TENM2: variants seen among roughly 807,000 people sequenced by gnomAD.
TENM2 encodes the protein teneurin transmembrane protein 2, also known as teneurin-2.
Under a neutral mutation model 245.2 loss-of-function variants are expected in TENM2, and 52 were observed. The observed-to-expected ratio is 0.21, with a 90% confidence interval of 0.17 to 0.27. The LOEUF is 0.27. TENM2 is among the 10% of genes least tolerant of loss of function. The probability of loss-of-function intolerance (pLI) is 1.00; values close to 1 mark genes in which losing one functional copy is unlikely to be tolerated. For missense variants in TENM2, 3,046 were observed against 3,666.8 expected (o/e 0.83, Z 4.37); for synonymous variants, 1,363 against 1,438.9 (o/e 0.95, Z 1.19).
At chr5:168,037,313 TTTGCTCAACATCC>T (rs142273520) in intron 5 of TENM2, among the ~76,000 whole-genome samples, 5,140 of 152,188 alleles carry the variant, frequency 0.034, 297 homozygotes, top group African/African-American at 0.12. Context: ...ACATACAGGA[TTTGCTCAACATCC>T]TTACTTCTTC....
intron 2 of TENM2, among the ~76,000 whole-genome samples, chr5:167,448,437 A>G (rs1765363527): frequency 6.6e-6 from 1 of 151,486 alleles, no homozygotes; most frequent in Non-Finnish European, 1.5e-5. Context: ...TAATGGGAGA[A>G]CATAGCTTTT....
intron 2 of TENM2, among the ~76,000 whole-genome samples, chr5:167,848,345 G>T (rs1444548519): frequency 2.6e-5 from 4 of 152,180 alleles, no homozygotes; most frequent in Non-Finnish European, 4.4e-5. Flanking sequence ...AGAGGGCATG[G>T]TGGGGTTTGT....
intron 3 of TENM2, among the ~76,000 whole-genome samples, chr5:167,951,862 A>C (rs1212869226): frequency 1.3e-5 from 2 of 152,256 alleles, no homozygotes; most frequent in Non-Finnish European, 2.9e-5. Flanking sequence ...ATACACACAT[A>C]CATACGCAAA....
At chr5:166,979,469 G>T in the TENM2 span, among the ~76,000 whole-genome samples, 2 of 152,268 alleles carry the variant, frequency 1.3e-5, no homozygotes, top group South Asian at 4.2e-4. Context: ...AAGACTCTAG[G>T]CTAAGTTATC....
chr5:167,245,866 T>G, the TENM2 span, among the ~76,000 whole-genome samples: 1 of 152,188 alleles, frequency 6.6e-6, no homozygotes, highest in Non-Finnish European at 1.5e-5. Context: ...CAGAGCCAGA[T>G]ACTGGAGATC....
intron 2 of TENM2, among the ~76,000 whole-genome samples, chr5:167,765,684 T>C (rs1016977369): frequency 2.0e-5 from 3 of 152,204 alleles, no homozygotes; most frequent in African/African-American, 7.2e-5. Flanking sequence ...TTGGTAATAT[T>C]CGTGTTAATG....
At chr5:167,342,141 T>G (rs115710683) in intron 1 of TENM2, among the ~76,000 whole-genome samples, 2,091 of 152,280 alleles carry the variant, frequency 0.014, 65 homozygotes, top group African/African-American at 0.047. Context: ...GCTCATACTT[T>G]ATACAGATTT....
intron 5 of TENM2, among the ~76,000 whole-genome samples, chr5:168,029,479 A>T (rs1185453252): frequency 2.6e-5 from 4 of 152,130 alleles, no homozygotes; most frequent in Non-Finnish European, 5.9e-5. Flanking sequence ...AATTCACCCT[A>T]GGAATGCTTA....
At chr5:167,752,135 C>T (rs1440835273) in intron 2 of TENM2, among the ~76,000 whole-genome samples, 1 of 151,988 alleles carries the variant, frequency 6.6e-6, no homozygotes, top group Non-Finnish European at 1.5e-5. Flanking sequence ...CACTCTGTCA[C>T]CCAGGCTGGA....
intron 5 of TENM2, among the ~76,000 whole-genome samples, chr5:168,035,533 G>A (rs1229758701): frequency 6.6e-6 from 1 of 151,084 alleles, no homozygotes; most frequent in Non-Finnish European, 1.5e-5. Flanking sequence ...AGTGGCTTGT[G>A]TTTTATTTCT....
chr5:167,278,898 A>G, the TENM2 span, among the ~76,000 whole-genome samples: 1 of 152,218 alleles, frequency 6.6e-6, no homozygotes, highest in South Asian at 2.1e-4. Context: ...GTATTCCAAG[A>G]TTCCTCCTTT....
chr5:167,218,850 T>A, the TENM2 span, among the ~76,000 whole-genome samples: 4 of 152,206 alleles, frequency 2.6e-5, no homozygotes, highest in Non-Finnish European at 5.9e-5. Flanking sequence ...TCTTCAATAC[T>A]CATTGTGGTC....
intron 1 of TENM2, among the ~76,000 whole-genome samples, chr5:167,349,427 G>T (rs1758679557): frequency 6.6e-6 from 1 of 152,164 alleles, no homozygotes; most frequent in South Asian, 2.1e-4. Flanking sequence ...TGACTCCAAA[G>T]CCTCTTTGCA....
intron 27 of TENM2, among the ~76,000 whole-genome samples, chr5:168,253,632 A>G (rs1015293946): frequency 7.2e-5 from 11 of 151,792 alleles, no homozygotes; most frequent in Non-Finnish European, 1.3e-4. Flanking sequence ...TCACCGTGTT[A>G]GCCAGGATGG....
intron 7 of TENM2, 86 bp downstream of exon 9, chr5:168,062,351 T>C: frequency 9.8e-7 from 1 of 1,018,092 alleles, no homozygotes. Flanking sequence ...TCACATCCAC[T>C]ACAATGCCTA....
At chr5:168,215,256 C>A in exon 21 of TENM2, 4 of 1,613,746 alleles carry the variant, frequency 2.5e-6, no homozygotes, top group Middle Eastern at 1.6e-4. Flanking sequence ...TAGATGCAAC[C>A]CTGATGAGCC....
At chr5:167,364,632 GCTTACAATAAAAATA>G (rs1561896685) in intron 1 of TENM2, among the ~76,000 whole-genome samples, 1 of 151,888 alleles carries the variant, frequency 6.6e-6, no homozygotes, top group East Asian at 1.9e-4. Context: ...CACGTTTATT[GCTTACAATAAAAATA>G]AGAAAGCTGG....
chr5:167,488,128 T>A (rs1477993283), intron 2 of TENM2, among the ~76,000 whole-genome samples: 1 of 152,138 alleles, frequency 6.6e-6, no homozygotes, highest in Non-Finnish European at 1.5e-5. Flanking sequence ...TTCTACTGTT[T>A]CTCTCCTTCA....
At chr5:167,219,155 C>CAGGG in the TENM2 span, among the ~76,000 whole-genome samples, 2 of 152,132 alleles carry the variant, frequency 1.3e-5, no homozygotes, top group Non-Finnish European at 2.9e-5. Context: ...GTTGGATATG[C>CAGGG]AGGGCATAGA....
Sources: gnomAD v4.1 joint callset for allele counts (sites outside exome capture counted in the v4.1 genomes callset) on GRCh38, gnomAD v4.1.1 for gene constraint, MANE v1.5 for transcripts, NCBI Gene and HGNC (gene_info 2026-07-23, HGNC 2026-07-21) for gene names.